TSPAN2: variants seen among roughly 807,000 people sequenced by gnomAD.
TSPAN2 encodes the protein tetraspanin-2.
TSPAN2 carries 24 observed loss-of-function variants against 33.3 expected under a neutral mutation model. That is an observed-to-expected ratio of 0.72 (90% CI 0.52 to 1.01). The LOEUF (loss-of-function observed/expected upper bound fraction) is 1.01, where lower values mean the gene tolerates loss of function less well. Among genes scored for constraint, TSPAN2 ranks in the 50% least tolerant of loss-of-function variants. The pLI is 0.00. For synonymous variants in TSPAN2, 114 were observed against 104.5 expected (o/e 1.09, Z -0.56); for missense variants, 278 against 281.3 (o/e 0.99, Z 0.08).
intron 3 of TSPAN2, among the ~76,000 whole-genome samples, chr1:115,061,073 G>C (rs1189005079): frequency 6.6e-6 from 1 of 152,148 alleles, no homozygotes; most frequent in Non-Finnish European, 1.5e-5. Flanking sequence ...CTGGTCTATG[G>C]ATTTGCTCTG....
intron 1 of TSPAN2, among the ~76,000 whole-genome samples, chr1:115,084,621 C>T (rs913718926): frequency 2.6e-5 from 4 of 152,188 alleles, no homozygotes; most frequent in South Asian, 4.1e-4. Flanking sequence ...TCTCCTCCAG[C>T]GAGGCTGAGA....
intron 1 of TSPAN2, among the ~76,000 whole-genome samples, chr1:115,084,739 A>G (rs1432257291): frequency 6.6e-6 from 1 of 152,236 alleles, no homozygotes; most frequent in Non-Finnish European, 1.5e-5. Flanking sequence ...ACTGTTTGAA[A>G]TAAGTTTGGG....
chr1:115,053,191 AT>A (rs1557875427), intron 7 of TSPAN2, among the ~76,000 whole-genome samples, 187 bp downstream of exon 7: 1 of 152,252 alleles, frequency 6.6e-6, no homozygotes, highest in Non-Finnish European at 1.5e-5. Context: ...TTTCTATTAT[AT>A]TTTAGAGGAC....
At chr1:115,075,246 A>G (rs985255963) in intron 1 of TSPAN2, among the ~76,000 whole-genome samples, 9 of 152,326 alleles carry the variant, frequency 5.9e-5, no homozygotes, top group Admixed American at 2.6e-4. Context: ...GGGCAATGGG[A>G]AAAAATCTGC....
At chr1:115,077,654 T>G (rs546703902) in intron 1 of TSPAN2, among the ~76,000 whole-genome samples, 3 of 152,260 alleles carry the variant, frequency 2.0e-5, no homozygotes, top group Non-Finnish European at 4.4e-5. Context: ...AAAGTCATCG[T>G]GCATGAAGCA....
At chr1:115,056,631 C>T (rs1570966368) in intron 6 of TSPAN2, among the ~76,000 whole-genome samples, 1 of 152,172 alleles carries the variant, frequency 6.6e-6, no homozygotes, top group South Asian at 2.1e-4. Context: ...CTTCCCCATC[C>T]CCCAGCCTCT....
In TSPAN2 at chr1:115,058,535, C is replaced by A. The variant is rs372174513; in HGVS notation, c.444+348G>T. 1.4e-4 allele frequency: 37 copies of A among 271,972 alleles called. 1 individual carries two copies. In the South Asian group the frequency reaches 1.6e-3, roughly 12 times the overall value. 16.8% of individuals were successfully genotyped at this position (271,972 alleles called of 1,614,324 possible). ...GCTAGAAATTAGCTTTTCTGACTTA[C>A]AGGTCACACTTGTTTCTGTTACACC... On this transcript the variant is annotated intron_variant, in intron 5 of 7. Transcript: ENST00000369516.
At position 115,049,995 on chromosome 1, in the gene TSPAN2, GT is replaced by G. The variant is rs1675268750; in HGVS notation, c.*494del. 5.9e-6 allele frequency: 1 copy of G among 168,962 alleles called. No homozygotes were observed. The highest frequency in any genetic ancestry group is 2.4e-5 in the African/African-American group (1 of 41,344). 10.5% of individuals were successfully genotyped at this position (168,962 alleles called of 1,614,324 possible). A position where few individuals can be genotyped will look rare whatever the true frequency, so the allele number is the denominator to read the frequency against. On this transcript the variant is annotated 3_prime_UTR_variant, in exon 8 of 8. Transcript: ENST00000369516. ...AACCCTTACACCCAACTTAGACACA[GT>G]CAGTTTTAACACTCCATTGTGATCT...
intron 7 of TSPAN2, among the ~76,000 whole-genome samples, chr1:115,052,655 T>C (rs1647220993): frequency 6.6e-6 from 1 of 152,206 alleles, no homozygotes; most frequent in Admixed American, 6.5e-5. Context: ...CCACACACTC[T>C]TCTTTTGTAC....
At chr1:115,063,130 G>A (rs903604939) in intron 2 of TSPAN2, among the ~76,000 whole-genome samples, 21 of 152,214 alleles carry the variant, frequency 1.4e-4, no homozygotes, top group Admixed American at 1.0e-3. Flanking sequence ...TAATAGTGTT[G>A]TTGGCCCCAC....
intron 1 of TSPAN2, among the ~76,000 whole-genome samples, chr1:115,087,497 T>C (rs779610691): frequency 7.9e-5 from 12 of 151,088 alleles, no homozygotes; most frequent in Admixed American, 4.6e-4. Flanking sequence ...GTGCTTGTAG[T>C]CCCAGCTATT....
intron 1 of TSPAN2, among the ~76,000 whole-genome samples, chr1:115,087,926 C>A (rs1648904376): frequency 6.6e-6 from 1 of 152,180 alleles, no homozygotes; most frequent in Non-Finnish European, 1.5e-5. Flanking sequence ...CCTCCTCAGG[C>A]TTAAAACTTC....
At chr1:115,072,192 C>T (rs1648201860) in intron 2 of TSPAN2, among the ~76,000 whole-genome samples, 1 of 152,150 alleles carries the variant, frequency 6.6e-6, no homozygotes, top group African/African-American at 2.4e-5. Context: ...ACTAAGAACA[C>T]TGCCTTGCGG....
chr1:115,085,499 G>A (rs1057507415), intron 1 of TSPAN2, among the ~76,000 whole-genome samples: 1 of 152,166 alleles, frequency 6.6e-6, no homozygotes, highest in African/African-American at 2.4e-5. Context: ...GCGAGGTTCT[G>A]ATTGGAAGGA....
chr1:115,084,154 T>C (rs1648742782), intron 1 of TSPAN2, among the ~76,000 whole-genome samples: 1 of 152,260 alleles, frequency 6.6e-6, no homozygotes. Flanking sequence ...TTCCCATTTG[T>C]ACTTCTAGTA....
At chr1:115,071,374 G>A (rs576428085) in intron 2 of TSPAN2, among the ~76,000 whole-genome samples, 31 of 152,284 alleles carry the variant, frequency 2.0e-4, no homozygotes, top group African/African-American at 7.0e-4. Context: ...GTTGCTGTAC[G>A]AGAATACGAT....
Position 115,050,476 on chromosome 1 carries a change from A to T in TSPAN2, c.*14T>A, listed in dbSNP as rs189370335. On this transcript the variant is annotated 3_prime_UTR_variant, in exon 8 of 8. Transcript: ENST00000369516. ...ATGAAAGCTTTAGATTGCAATTTTC[A>T]TGTAGAAGTAGCTTCATATCACATC... 3.7e-6 allele frequency: 6 copies of T among 1,612,978 alleles called. No homozygotes were observed. The Admixed American group carries it at 8.3e-5, about 22-fold the overall frequency.
At chr1:115,070,786 C>G (rs931310113) in intron 2 of TSPAN2, among the ~76,000 whole-genome samples, 1 of 152,160 alleles carries the variant, frequency 6.6e-6, no homozygotes, top group Admixed American at 6.5e-5. Context: ...CTGCAAATAC[C>G]ACTTAGCTGG....
At chr1:115,084,647 T>G (rs549834737) in intron 1 of TSPAN2, among the ~76,000 whole-genome samples, 1 of 152,246 alleles carries the variant, frequency 6.6e-6, no homozygotes, top group African/African-American at 2.4e-5. Context: ...CCTATCTGCC[T>G]TATGGGCTGG....
Sources: gnomAD v4.1 joint callset for allele counts (sites outside exome capture counted in the v4.1 genomes callset) on GRCh38, gnomAD v4.1.1 for gene constraint, MANE v1.5 for transcripts, NCBI Gene and HGNC (gene_info 2026-07-23, HGNC 2026-07-21) for gene names.